AGBL4: variants seen among roughly 807,000 people sequenced by gnomAD.
The protein encoded by AGBL4 is cytosolic carboxypeptidase 6.
A neutral mutation model predicts 66.4 loss-of-function variants in AGBL4; 58 were observed. That is an observed-to-expected ratio of 0.87 (90% confidence interval 0.71 to 1.09). The LOEUF (loss-of-function observed/expected upper bound fraction) is 1.09, where lower values mean the gene tolerates loss of function less well. Ranked by LOEUF, AGBL4 falls within the 50% of genes least tolerant of loss-of-function variation. The probability of loss-of-function intolerance (pLI) is 0.00; values close to 1 mark genes in which losing one functional copy is unlikely to be tolerated. For synonymous variants in AGBL4, 234 were observed against 222.9 expected, an observed-to-expected ratio of 1.05 and a Z score of -0.44; for missense variants, 579 against 631.0, an observed-to-expected ratio of 0.92 and a Z score of 0.88.
At chr1:49,177,513 C>T (rs975642226) in intron 4 of AGBL4, among the ~76,000 whole-genome samples, 1 of 152,068 alleles carries the variant, frequency 6.6e-6, no homozygotes, top group African/African-American at 2.4e-5. Context: ...AAAACTGAGG[C>T]CCACAACAGC....
At chr1:48,550,459 C>G (rs1310261215) in intron 11 of AGBL4, among the ~76,000 whole-genome samples, 1 of 152,154 alleles carries the variant, frequency 6.6e-6, no homozygotes, top group Non-Finnish European at 1.5e-5. Context: ...CTCTCTCTGC[C>G]TGTCTCTTCT....
intron 3 of AGBL4, among the ~76,000 whole-genome samples, chr1:49,643,358 G>A (rs1321289643): frequency 6.6e-6 from 1 of 151,534 alleles, no homozygotes; most frequent in Non-Finnish European, 1.5e-5. Context: ...AACATCAAGT[G>A]GCCTAATATA....
intron 9 of AGBL4, among the ~76,000 whole-genome samples, chr1:48,616,332 C>G (rs959741621): frequency 6.6e-6 from 1 of 152,158 alleles, no homozygotes. Flanking sequence ...CAGAGACGTT[C>G]AGAGCTCGTA....
chr1:48,881,127 T>C (rs1436419571), intron 5 of AGBL4, among the ~76,000 whole-genome samples: 1 of 152,178 alleles, frequency 6.6e-6, no homozygotes, highest in Non-Finnish European at 1.5e-5. Flanking sequence ...TAAAAGTGTG[T>C]ACCTTTTTAT....
chr1:49,130,340 G>C (rs1033381567), intron 4 of AGBL4, among the ~76,000 whole-genome samples: 1 of 152,142 alleles, frequency 6.6e-6, no homozygotes, highest in Admixed American at 6.5e-5. Context: ...TGTCAATTTT[G>C]GCTTCGGTTG....
chr1:49,913,798 C>A (rs1364040036), intron 1 of AGBL4, among the ~76,000 whole-genome samples: 1 of 152,188 alleles, frequency 6.6e-6, no homozygotes, highest in Non-Finnish European at 1.5e-5. Flanking sequence ...CCTTCTAGAG[C>A]AGTGTATTGA....
At chr1:49,496,080 A>G (rs945114279) in intron 3 of AGBL4, among the ~76,000 whole-genome samples, 2 of 152,054 alleles carry the variant, frequency 1.3e-5, no homozygotes, top group African/African-American at 2.4e-5. Context: ...CAAGGCCAAG[A>G]CTCAGAAGAT....
At chr1:48,620,456 T>C (rs1570031402) in intron 9 of AGBL4, among the ~76,000 whole-genome samples, 1 of 152,028 alleles carries the variant, frequency 6.6e-6, no homozygotes, top group Admixed American at 6.6e-5. Flanking sequence ...AAATTTTTTT[T>C]GTAGAGATGG....
intron 3 of AGBL4, among the ~76,000 whole-genome samples, chr1:49,655,058 T>C (rs1313023960): frequency 1.3e-5 from 2 of 152,226 alleles, no homozygotes; most frequent in Non-Finnish European, 2.9e-5. Context: ...CAGATGCTCA[T>C]ACCGGTTATG....
At chr1:49,043,260 C>T (rs1208806759) in intron 5 of AGBL4, among the ~76,000 whole-genome samples, 2 of 152,130 alleles carry the variant, frequency 1.3e-5, no homozygotes, top group African/African-American at 4.8e-5. Context: ...GTATGAATCA[C>T]ATAAATGGGC....
At chr1:49,096,770 C>T (rs1252057989) in intron 4 of AGBL4, among the ~76,000 whole-genome samples, 1 of 151,656 alleles carries the variant, frequency 6.6e-6, no homozygotes, top group Non-Finnish European at 1.5e-5. Context: ...AGCACACCAA[C>T]ATGGCACATG....
intron 3 of AGBL4, among the ~76,000 whole-genome samples, chr1:49,362,044 T>C (rs1387356611): frequency 4.6e-5 from 7 of 152,172 alleles, no homozygotes; most frequent in African/African-American, 1.7e-4. Flanking sequence ...TCCTTCCACT[T>C]GGATGCTAAG....
At chr1:48,556,605 A>G (rs1374289638) in intron 11 of AGBL4, among the ~76,000 whole-genome samples, 1 of 152,102 alleles carries the variant, frequency 6.6e-6, no homozygotes, top group East Asian at 1.9e-4. Context: ...AATAACTCCT[A>G]CTAATTCTTC....
chr1:49,566,811 C>G (rs1355212603), intron 3 of AGBL4, among the ~76,000 whole-genome samples: 1 of 152,190 alleles, frequency 6.6e-6, no homozygotes, highest in Non-Finnish European at 1.5e-5. Context: ...AGAACCACTA[C>G]TCTCTTCAAA....
intron 6 of AGBL4, among the ~76,000 whole-genome samples, chr1:48,677,432 C>T (rs1646383178): frequency 6.6e-6 from 1 of 151,816 alleles, no homozygotes; most frequent in Non-Finnish European, 1.5e-5. Context: ...GGGTACAGAT[C>T]CAGGCTCCTA....
intron 5 of AGBL4, among the ~76,000 whole-genome samples, chr1:49,029,859 C>A (rs986383104): frequency 1.3e-5 from 2 of 152,058 alleles, no homozygotes; most frequent in African/African-American, 4.8e-5. Context: ...ACTGAAAGTC[C>A]AGAAATAAAC....
At chr1:49,475,408 T>G (rs1028233369) in intron 3 of AGBL4, among the ~76,000 whole-genome samples, 3 of 151,956 alleles carry the variant, frequency 2.0e-5, no homozygotes, top group Non-Finnish European at 2.9e-5. Context: ...TTGTTTTGTC[T>G]TTGCCAGACT....
intron 3 of AGBL4, among the ~76,000 whole-genome samples, chr1:49,457,256 T>C (rs1646410148): frequency 6.6e-6 from 1 of 151,738 alleles, no homozygotes; most frequent in South Asian, 2.1e-4. Context: ...ATTTTTTGAT[T>C]ATGGCCATTC....
intron 6 of AGBL4, among the ~76,000 whole-genome samples, chr1:48,865,343 TA>T (rs1647938727): frequency 6.6e-6 from 1 of 152,188 alleles, no homozygotes; most frequent in African/African-American, 2.4e-5. Context: ...GAGTGGAAGC[TA>T]CCACCTAGGG....
Sources: allele counts gnomAD v4.1 joint callset (sites outside exome capture counted in the v4.1 genomes callset), GRCh38; gene constraint gnomAD v4.1.1; transcripts MANE v1.5; gene names NCBI Gene and HGNC (gene_info 2026-07-23, HGNC 2026-07-21).